The following BMPR2 variants were observed in gnomAD, a reference collection of about 807,000 sequenced individuals.
BMPR2 encodes bone morphogenetic protein receptor type-2.
Under a neutral mutation model 100.8 loss-of-function variants are expected in BMPR2, and 29 were observed. The observed-to-expected ratio is 0.29, with a 90% CI of 0.21 to 0.39. The LOEUF is 0.39. BMPR2 is among the 10% of genes least tolerant of loss of function. The probability of loss-of-function intolerance (pLI) is 1.00; values close to 1 mark genes in which losing one functional copy is unlikely to be tolerated. For missense variants in BMPR2, 1,011 were observed against 1,274.5 expected (o/e 0.79, Z 3.15); for synonymous variants, 382 against 442.3 (o/e 0.86, Z 1.71).
At chr2:202,458,849 T>C (rs908301317) in intron 1 of BMPR2, among the ~76,000 whole-genome samples, 1 of 152,154 alleles carries the variant, frequency 6.6e-6, no homozygotes, top group Non-Finnish European at 1.5e-5. Flanking sequence ...TTCTAAAAAG[T>C]TTTTATAGAG....
intron 3 of BMPR2, among the ~76,000 whole-genome samples, chr2:202,468,111 C>G (rs1692362899): frequency 6.6e-6 from 1 of 151,930 alleles, no homozygotes; most frequent in South Asian, 2.1e-4. Context: ...TTACATCTGG[C>G]AAACACCTGA....
At position 202,555,416 on chromosome 2, in the gene BMPR2, GAAATTCA is replaced by G; in HGVS notation, c.1753_1759del (p.Asn585LeufsTer40). On this transcript the variant is annotated frameshift_variant, in exon 12 of 13. Transcript: ENST00000374580. LOFTEE classifies it high-confidence loss of function. The stretch of plus-strand genomic sequence containing the variant: ...CCTTTGACTATAGGGGAAAAAAACC[GAAATTCA>G]ATTAACTATGAACGACAGCAAGCAC... The G allele has an allele frequency of 6.2e-7, 1 of 1,614,078 alleles. No individual in the cohort carries two copies. The highest frequency in any genetic ancestry group is 8.5e-7 in the Non-Finnish European group (1 of 1,180,006).
At chr2:202,513,680 TTA>T in intron 3 of BMPR2, 37 bp from the exon 4 acceptor site, 11 of 1,507,892 alleles carry the variant, frequency 7.3e-6, no homozygotes, top group Middle Eastern at 4.0e-4. Flanking sequence ...AAATACTTTT[TTA>T]AAAAAAAATG....
At chr2:202,502,469 G>T (rs1456398860) in intron 3 of BMPR2, among the ~76,000 whole-genome samples, 3 of 151,968 alleles carry the variant, frequency 2.0e-5, no homozygotes, top group Admixed American at 2.0e-4. Context: ...AAGTTGAAGA[G>T]AAAGAAAGAG....
At chr2:202,388,748 A>G (rs1690486104) in intron 1 of BMPR2, among the ~76,000 whole-genome samples, 1 of 151,166 alleles carries the variant, frequency 6.6e-6, no homozygotes, top group Non-Finnish European at 1.5e-5. Context: ...AGATTGCGCC[A>G]CTGCACTCCA....
At position 202,564,651 on chromosome 2, in the gene BMPR2, T is replaced by A. The variant is rs1407852849; in HGVS notation, c.*4705T>A. On this transcript the variant is annotated 3_prime_UTR_variant, in exon 13 of 13. Transcript: ENST00000374580. ...ACTGTTTGAGCTAGTTACATAAAAT[T>A]TGTTATCAAGAGAAGGCTTTTCTAC... is the stretch of plus-strand genomic sequence containing the variant. 1 of 152,218 alleles carries A rather than the reference T, an allele frequency of 6.6e-6. No homozygotes were observed. The highest frequency in any genetic ancestry group is 1.9e-4 in the East Asian group (1 of 5,200). 9.4% of individuals were successfully genotyped at this position (152,218 alleles called of 1,614,324 possible).
rs1324349320 is a variant in BMPR2 at position 202,380,793 on chromosome 2, A to G, written c.76+3243A>G. Among the ~76,000 whole-genome samples the G allele has an allele frequency of 2.7e-5, 4 of 148,150 alleles. No homozygotes were observed. In the East Asian group the frequency reaches 8.3e-4, roughly 31 times the overall value. On this transcript the variant is annotated intron_variant, in intron 1 of 12. Transcript: ENST00000374580. The stretch of plus-strand genomic sequence containing the variant: ...TGCCACCACTCCTGGCTAATTTTGT[A>G]TTGTTAGTAGAGACAGGGTTTCTCC...
intron 1 of BMPR2, among the ~76,000 whole-genome samples, chr2:202,408,976 A>G (rs1690955272): frequency 1.3e-5 from 2 of 152,318 alleles, no homozygotes; most frequent in South Asian, 4.1e-4. Context: ...TTCCTTGTCA[A>G]GGAGATACTG....
At chr2:202,512,452 C>G (rs571345109) in intron 3 of BMPR2, among the ~76,000 whole-genome samples, 1 of 152,312 alleles carries the variant, frequency 6.6e-6, no homozygotes, top group African/African-American at 2.4e-5. Context: ...CAACTAAAGG[C>G]TCTTATCCTT....
At chr2:202,511,023 CTTAGAA>C (rs1184174671) in intron 3 of BMPR2, among the ~76,000 whole-genome samples, 1 of 145,212 alleles carries the variant, frequency 6.9e-6, no homozygotes, top group African/African-American at 2.5e-5. Context: ...ATTCACATAA[CTTAGAA>C]TTAGTCATAT....
At chr2:202,530,664 G>A (rs1265393232) in intron 7 of BMPR2, 130 bp from the exon 8 acceptor site, 4 of 778,166 alleles carry the variant, frequency 5.1e-6, no homozygotes, top group East Asian at 2.8e-5. Flanking sequence ...TTGAAATTCC[G>A]ATTTCTCTTT....
At chr2:202,415,807 C>T (rs564557923) in intron 1 of BMPR2, among the ~76,000 whole-genome samples, 1 of 152,288 alleles carries the variant, frequency 6.6e-6, no homozygotes, top group East Asian at 1.9e-4. Context: ...ACAATGCACC[C>T]GATCACCCAA....
intron 1 of BMPR2, among the ~76,000 whole-genome samples, chr2:202,390,200 AGTT>A (rs1287613368): frequency 6.6e-6 from 1 of 152,198 alleles, no homozygotes; most frequent in Admixed American, 6.5e-5. Flanking sequence ...GATCTGGGAC[AGTT>A]CTAGAAGTAA....
intron 1 of BMPR2, among the ~76,000 whole-genome samples, chr2:202,377,965 G>T (rs1307123620): frequency 6.6e-6 from 1 of 152,182 alleles, no homozygotes; most frequent in Admixed American, 6.5e-5. Flanking sequence ...ATAGTAAAAA[G>T]AACATCAACT....
At chr2:202,453,487 G>T (rs1421448432) in intron 1 of BMPR2, among the ~76,000 whole-genome samples, 1 of 152,100 alleles carries the variant, frequency 6.6e-6, no homozygotes, top group Non-Finnish European at 1.5e-5. Context: ...CCATAAAAAA[G>T]AATGAGATTC....
At chr2:202,528,611 C>G (rs901426615) in intron 7 of BMPR2, among the ~76,000 whole-genome samples, 1 of 152,218 alleles carries the variant, frequency 6.6e-6, no homozygotes, top group African/African-American at 2.4e-5. Context: ...CCTAAACTAT[C>G]TTAAATATGC....
intron 1 of BMPR2, among the ~76,000 whole-genome samples, chr2:202,404,243 G>A (rs1414834587): frequency 3.3e-5 from 5 of 149,724 alleles, no homozygotes; most frequent in African/African-American, 1.2e-4. Context: ...CCAGGCTGGA[G>A]TACAGTGGCA....
intron 3 of BMPR2, among the ~76,000 whole-genome samples, chr2:202,489,001 CTTT>C (rs199776901): frequency 9.5e-5 from 13 of 137,290 alleles, no homozygotes; most frequent in Non-Finnish European, 1.3e-4. Context: ...CTTTTTGTTA[CTTT>C]TTTTTTTTTT....
intron 1 of BMPR2, among the ~76,000 whole-genome samples, chr2:202,392,202 C>G (rs903550702): frequency 6.6e-6 from 1 of 152,048 alleles, no homozygotes; most frequent in African/African-American, 2.4e-5. Context: ...TCCCAAGTAG[C>G]TGGGATTAAA....
Sources: allele counts gnomAD v4.1 joint callset (sites outside exome capture counted in the v4.1 genomes callset), GRCh38; gene constraint gnomAD v4.1.1; transcripts MANE v1.5; gene names NCBI Gene and HGNC (gene_info 2026-07-23, HGNC 2026-07-21).